The following VAT1L variants were observed in gnomAD, a reference collection of about 807,000 sequenced individuals.
VAT1L encodes vesicle amine transport 1 like, also known as putative NADPH-dependent quinone oxidoreductase VAT1L.
A neutral mutation model predicts 44.1 loss-of-function variants in VAT1L; 34 were observed. That is an observed-to-expected ratio of 0.77 (90% confidence interval 0.59 to 1.03). The LOEUF (loss-of-function observed/expected upper bound fraction) is 1.03, where lower values mean the gene tolerates loss of function less well. Among genes scored for constraint, VAT1L ranks in the 50% least tolerant of loss-of-function variants. The pLI, the probability that VAT1L is intolerant of heterozygous loss-of-function variation, is 0.00. For missense variants in VAT1L, 615 were observed against 538.8 expected, an observed-to-expected ratio of 1.14 and a Z score of -1.40; for synonymous variants, 253 against 202.2, an observed-to-expected ratio of 1.25 and a Z score of -2.13.
intron 7 of VAT1L, among the ~76,000 whole-genome samples, chr16:77,933,771 T>A (rs2017759723): frequency 6.6e-6 from 1 of 151,912 alleles, no homozygotes; most frequent in South Asian, 2.1e-4. Flanking sequence ...ACAACAACAA[T>A]AAGGCAAATA....
In VAT1L at chr16:77,977,604, A is replaced by G. The variant is rs776340228; in HGVS notation, c.1169A>G (p.Asn390Ser). Reference protein sequence around the residue: ...VEKTPTPLMANDSTETSEAGE... With the variant: ...VEKTPTPLMASDSTETSEAGE... ...TCCTCTTTTGAATTACAGATGGCCA[A>G]TGACAGCACAGAGACCAGTGAAGCA... The change falls in exon 9 of 9, where the codon AAT (asparagine) becomes AGT (serine). Residue 390 changes from asparagine to serine, a missense_variant. Coordinates refer to ENST00000302536, the MANE Select transcript of VAT1L (RefSeq NM_020927.3). 8.7e-6 allele frequency: 14 copies of G among 1,613,940 alleles called. No homozygotes were observed. The highest frequency in any genetic ancestry group is 4.4e-5 in the South Asian group (4 of 91,064).
At chr16:77,897,290 G>A (rs771185462) in intron 7 of VAT1L, among the ~76,000 whole-genome samples, 63 of 152,172 alleles carry the variant, frequency 4.1e-4, no homozygotes, top group Admixed American at 7.9e-4. Context: ...ATTAGAAATG[G>A]GGATACTACC....
In VAT1L at chr16:77,972,000, G is replaced by C. The variant is rs1261763698; in HGVS notation, c.1161+67G>C. 1.0e-5 allele frequency: 15 copies of C among 1,485,762 alleles called. No homozygotes were observed. The Admixed American group carries it at 2.8e-4, about 28-fold the overall frequency. The allele number at this position is 1,485,762 out of a possible 1,614,324, so 92.0% of individuals were successfully genotyped here. A position where few individuals can be genotyped will look rare whatever the true frequency, so the allele number is the denominator to read the frequency against. On this transcript the variant is annotated intron_variant, in intron 8 of 8. Transcript: ENST00000302536. The stretch of plus-strand genomic sequence containing the variant: ...GAGCACCACGGGTCAATCAGATGCA[G>C]ACACGGGTGGGGTAGAAGGAAGTAC...
rs75477921 is a variant in VAT1L, at chr16:77,919,671, C to T, written c.1077+34869C>T. 5.4e-3 allele frequency among the ~76,000 whole-genome samples: 824 copies of T among 152,296 alleles called. 1 individual carries two copies. The highest frequency in any genetic ancestry group is 7.9e-3 in the Non-Finnish European group (538 of 68,028). ...GAAGGACAAAGAAATTACAAAATAT[C>T]CCTCGCTTTCTAAATGCCCTTAGCT... On this transcript the variant is annotated intron_variant, in intron 7 of 8. Transcript: ENST00000302536.
chr16:77,938,597 C>T (rs2017834114), intron 7 of VAT1L, among the ~76,000 whole-genome samples: 1 of 152,076 alleles, frequency 6.6e-6, no homozygotes. Context: ...TCTGTTGCTT[C>T]TGCTCTGGCC....
intron 7 of VAT1L, among the ~76,000 whole-genome samples, chr16:77,922,564 GT>G (rs1400025996): frequency 2.6e-5 from 4 of 152,178 alleles, no homozygotes; most frequent in Admixed American, 1.3e-4. Context: ...GAAGAGAGAG[GT>G]GCTGTGACAT....
intron 1 of VAT1L, among the ~76,000 whole-genome samples, chr16:77,803,467 T>C (rs2145217678): frequency 7.1e-6 from 1 of 140,882 alleles, no homozygotes; most frequent in East Asian, 2.1e-4. Flanking sequence ...TTGCCCAGGC[T>C]GGAGTGCAAT....
intron 3 of VAT1L, among the ~76,000 whole-genome samples, chr16:77,831,388 G>A (rs1195392252): frequency 6.6e-6 from 1 of 152,086 alleles, no homozygotes; most frequent in Non-Finnish European, 1.5e-5. Flanking sequence ...ACCTATCAGT[G>A]GCTGAATAAA....
chr16:77,806,286 T>A (rs1034610754), intron 1 of VAT1L, among the ~76,000 whole-genome samples: 1 of 152,064 alleles, frequency 6.6e-6, no homozygotes, highest in Non-Finnish European at 1.5e-5. Flanking sequence ...CTCGGCTCAT[T>A]GCAAGCTCCG....
intron 1 of VAT1L, 109 bp downstream of exon 1, chr16:77,789,024 A>T: frequency 1.5e-6 from 2 of 1,292,334 alleles, no homozygotes; most frequent in Non-Finnish European, 2.0e-6. Context: ...CGCCGCGCGC[A>T]CCCCCTCCGC....
chr16:77,807,671 G>A (rs1331164390), intron 1 of VAT1L, among the ~76,000 whole-genome samples: 1 of 152,144 alleles, frequency 6.6e-6, no homozygotes, highest in African/African-American at 2.4e-5. Context: ...GTGTCATAGT[G>A]ATGACAGTGA....
At chr16:77,930,301 C>G (rs567651475) in intron 7 of VAT1L, among the ~76,000 whole-genome samples, 30 of 152,324 alleles carry the variant, frequency 2.0e-4, no homozygotes, top group African/African-American at 7.2e-4. Context: ...AGGTCTCTCC[C>G]ATGAGTATCA....
chr16:77,824,755 CAAA>C (rs35200345), intron 2 of VAT1L, among the ~76,000 whole-genome samples: 2 of 111,274 alleles, frequency 1.8e-5, no homozygotes, highest in Non-Finnish European at 1.8e-5. Flanking sequence ...GACTCCATCT[CAAA>C]AAAAAAAAAA....
At chr16:77,826,325 G>A (rs2016523132) in intron 3 of VAT1L, among the ~76,000 whole-genome samples, 1 of 152,144 alleles carries the variant, frequency 6.6e-6, no homozygotes, top group African/African-American at 2.4e-5. Flanking sequence ...TATTTGAAAT[G>A]ACAAAATGGT....
At chr16:77,861,211 T>C (rs1170109571) in intron 3 of VAT1L, among the ~76,000 whole-genome samples, 4 of 152,164 alleles carry the variant, frequency 2.6e-5, no homozygotes, top group African/African-American at 9.7e-5. Context: ...TAGGCAGAAA[T>C]TAACATCACA....
chr16:77,977,707 G>T lies in VAT1L; in HGVS notation c.*12G>T, dbSNP rs1410901393. 1 of 1,612,530 alleles carries T rather than the reference G, an allele frequency of 6.2e-7. No homozygotes were observed. The highest frequency in any genetic ancestry group is 8.5e-7 in the Non-Finnish European group (1 of 1,179,244). ...CCTTTATCCAGTAACTGAGGACCCAGGTGGGAGAATGTGAAGGATGGTTTG... is the reference window on the plus strand; with the variant it reads ...CCTTTATCCAGTAACTGAGGACCCATGTGGGAGAATGTGAAGGATGGTTTG... On this transcript the variant is annotated 3_prime_UTR_variant, in exon 9 of 9. Coordinates refer to ENST00000302536, the MANE Select transcript of VAT1L (RefSeq NM_020927.3).
chr16:77,901,378 A>T (rs1243754716), intron 7 of VAT1L, among the ~76,000 whole-genome samples: 1 of 151,780 alleles, frequency 6.6e-6, no homozygotes, highest in Non-Finnish European at 1.5e-5. Context: ...GTTAGCCAGG[A>T]TGGTCTTGAT....
chr16:77,911,464 G>A (rs566347527), intron 7 of VAT1L, among the ~76,000 whole-genome samples: 14 of 152,236 alleles, frequency 9.2e-5, no homozygotes, highest in Admixed American at 4.6e-4. Context: ...GGGCTTCATA[G>A]GACCCTATAT....
At chr16:77,793,171 G>A (rs1279946480) in intron 1 of VAT1L, among the ~76,000 whole-genome samples, 2 of 152,164 alleles carry the variant, frequency 1.3e-5, no homozygotes, top group African/African-American at 4.8e-5. Context: ...AAGTGCAGTG[G>A]TGTGATCATG....
Sources: allele counts gnomAD v4.1 joint callset (sites outside exome capture counted in the v4.1 genomes callset), GRCh38; gene constraint gnomAD v4.1.1; transcripts MANE v1.5; gene names NCBI Gene and HGNC (gene_info 2026-07-23, HGNC 2026-07-21).